The following LY6H variants were observed in gnomAD, a reference collection of about 807,000 sequenced individuals.
LY6H encodes lymphocyte antigen 6H.
A neutral mutation model predicts 14.6 loss-of-function variants in LY6H; 8 were observed. The ratio of observed to expected loss-of-function variants is 0.55; its 90% CI spans 0.32 to 0.99. The LOEUF (loss-of-function observed/expected upper bound fraction) is 0.99, where lower values mean the gene tolerates loss of function less well. Among genes scored for constraint, LY6H ranks in the 50% least tolerant of loss-of-function variants. The pLI is 0.04. For synonymous variants in LY6H, 115 were observed against 97.2 expected (o/e 1.18, Z -1.08); for missense variants, 196 against 219.6 (o/e 0.89, Z 0.68).
In LY6H at chr8:143,160,289, CA is replaced by C. The variant is rs1815568958; in HGVS notation, c.-91del. 1 of 1,117,406 alleles carries C rather than the reference CA, an allele frequency of 8.9e-7. No homozygotes were observed. The highest frequency in any genetic ancestry group is 3.8e-5 in the Admixed American group (1 of 26,596). 69.2% of individuals were successfully genotyped at this position (1,117,406 alleles called of 1,614,324 possible). On this transcript the variant is annotated 5_prime_UTR_variant, in exon 1 of 4. Coordinates refer to ENST00000342752, the MANE Select transcript of LY6H (RefSeq NM_001135655.2). ...CTCCCTGCGGACCGGAATCCGGGCG[CA>C]GCCTCGTCTTTCGGGGAACGCAGCC...
At chr8:143,159,197 A>C in intron 2 of LY6H, 1 of 573,846 alleles carries the variant, frequency 1.7e-6, no homozygotes, top group Non-Finnish European at 3.1e-6. Flanking sequence ...GGCTATACAG[A>C]CCCCACACCG....
Position 143,159,668 on chromosome 8 carries a change from G to C in LY6H, c.44C>G (p.Ala15Gly). Residue 15 changes from alanine (A) to glycine (G), a missense_variant, in exon 2 of 4, where the codon GCC (alanine) becomes GGC (glycine). By Grantham distance (60) the Ala-to-Gly change is moderately conservative. Coordinates refer to ENST00000342752, the MANE Select transcript of LY6H (RefSeq NM_001135655.2). ...CAGCATGCTCCGGGTGGGCCTGGGG[G>C]CGGCGCGGGGGCTTGGGGCGCGGGT... is the stretch of plus-strand genomic sequence containing the variant. ...QRTRAPSPRAAPRPTRSMLPA... is the reference protein window; with the variant it reads ...QRTRAPSPRAGPRPTRSMLPA... 1 of 1,404,756 alleles carries C rather than the reference G, an allele frequency of 7.1e-7. No homozygotes were observed. The highest frequency in any genetic ancestry group is 9.2e-7 in the Non-Finnish European group (1 of 1,090,768). 87.0% of individuals were successfully genotyped at this position (1,404,756 alleles called of 1,614,324 possible). A position where few individuals can be genotyped will look rare whatever the true frequency, so the allele number is the denominator to read the frequency against.
chr8:143,160,052 C>G (rs1451653280), intron 1 of LY6H, 146 bp downstream of exon 1: 1 of 939,416 alleles, frequency 1.1e-6, no homozygotes, highest in Non-Finnish European at 1.4e-6. Context: ...GGGGGAGGGG[C>G]GCGTGCCAGG....
At position 143,158,485 on chromosome 8, in the gene LY6H, C is replaced by A; in HGVS notation, c.251G>T (p.Ser84Ile). Residue 84 changes from serine (S) to isoleucine (I), a missense_variant and splice_region_variant, in exon 4 of 4, where the codon AGC becomes ATC. Physicochemically the swap from Ser to Ile is moderately radical, Grantham distance 142. Coordinates refer to ENST00000342752, the MANE Select transcript of LY6H (RefSeq NM_001135655.2). ...ASVRITDPSSSRKDHSVNKMC... is the reference protein window; with the variant it reads ...ASVRITDPSSIRKDHSVNKMC... ...CTTGTTCACCGAGTGATCCTTCCTG[C>A]CTGGGAAGAGAAAGCGTGGCCTGGG... 1 of 1,609,306 alleles carries A rather than the reference C, an allele frequency of 6.2e-7. No individual in the cohort carries two copies. Among genetic ancestry groups the A allele is most frequent in the Non-Finnish European group, 8.5e-7 (1 of 1,175,820 alleles).
chr8:143,159,224 A>G, intron 2 of LY6H: 1 of 535,376 alleles, frequency 1.9e-6, no homozygotes, highest in South Asian at 2.5e-5. Flanking sequence ...CCCCCCTCAC[A>G]CTCCCGCCCC....
chr8:143,160,298 C>T lies in LY6H; in HGVS notation c.-99G>A, dbSNP rs1455177570. 3.8e-6 allele frequency: 4 copies of T among 1,052,256 alleles called. No individual in the cohort carries two copies. The highest frequency in any genetic ancestry group is 3.6e-6 in the Non-Finnish European group (3 of 822,640). 65.2% of individuals were successfully genotyped at this position (1,052,256 alleles called of 1,614,324 possible). A position where few individuals can be genotyped will look rare whatever the true frequency, so the allele number is the denominator to read the frequency against. On this transcript the variant is annotated 5_prime_UTR_variant, in exon 1 of 4. Coordinates refer to ENST00000342752, the MANE Select transcript of LY6H (RefSeq NM_001135655.2). ...GACCGGAATCCGGGCGCAGCCTCGT[C>T]TTTCGGGGAACGCAGCCGCAGACGC...
Position 143,160,204 on chromosome 8 carries a change from G to C in LY6H, c.-5C>G, listed in dbSNP as rs1289023202. 1 of 1,285,692 alleles carries C rather than the reference G, an allele frequency of 7.8e-7. No individual in the cohort carries two copies. The allele number at this position is 1,285,692 out of a possible 1,614,324, so 79.6% of individuals were successfully genotyped here. A position where few individuals can be genotyped will look rare whatever the true frequency, so the allele number is the denominator to read the frequency against. ...GGTCGGGGGGCTCACTCACATCCCG[G>C]GGGTGTCCGCACTCCGGGCTCGGGC... On this transcript the variant is annotated 5_prime_UTR_variant, in exon 1 of 4. Transcript: ENST00000342752.
Position 143,160,296 on chromosome 8 carries a change from G to GT in LY6H, c.-98dup, listed in dbSNP as rs1322213237. On this transcript the variant is annotated 5_prime_UTR_variant, in exon 1 of 4. Coordinates refer to ENST00000342752, the MANE Select transcript of LY6H (RefSeq NM_001135655.2). The stretch of plus-strand genomic sequence containing the variant: ...CGGACCGGAATCCGGGCGCAGCCTC[G>GT]TCTTTCGGGGAACGCAGCCGCAGAC... 2.9e-6 allele frequency: 3 copies of GT among 1,050,508 alleles called. No homozygotes were observed. Among genetic ancestry groups the GT allele is most frequent in the Non-Finnish European group, 3.7e-6 (3 of 820,554 alleles). The allele number at this position is 1,050,508 out of a possible 1,614,324, so 65.1% of individuals were successfully genotyped here.
At position 143,159,603 on chromosome 8, in the gene LY6H, C is replaced by T. The variant is rs1815543847; in HGVS notation, c.109G>A (p.Val37Ile). 2 of 1,498,018 alleles carry T rather than the reference C, an allele frequency of 1.3e-6. No individual in the cohort carries two copies. The highest frequency in any genetic ancestry group is 1.2e-5 in the South Asian group (1 of 80,906). 92.8% of individuals were successfully genotyped at this position (1,498,018 alleles called of 1,614,324 possible). A position where few individuals can be genotyped will look rare whatever the true frequency, so the allele number is the denominator to read the frequency against. ...MKGLGLALLAVLLCSAPAHGL... is the reference protein window; with the variant it reads ...MKGLGLALLAILLCSAPAHGL... ...TCACCGGGCGCCGAGCACAGCAGGA[C>T]GGCCAGCAGCGCCAGGCCGAGGCCC... The change falls in exon 2 of 4, where the codon GTC (valine) becomes ATC (isoleucine). Residue 37 changes from valine (V) to isoleucine (I), a missense_variant. Val to Ile is a conservative substitution (Grantham distance 29). Coordinates refer to ENST00000342752, the MANE Select transcript of LY6H (RefSeq NM_001135655.2).
At chr8:143,160,345 G>C, upstream of LY6H, 3 of 557,624 alleles carry the variant, frequency 5.4e-6, no homozygotes, top group Non-Finnish European at 2.6e-6. Context: ...GAGGGGCGGG[G>C]CGGAGCCGGG....
In LY6H at chr8:143,158,588, A is replaced by G. The variant is rs371611945; in HGVS notation, c.251-103T>C. 14 of 1,224,008 alleles carry G rather than the reference A, an allele frequency of 1.1e-5. No homozygotes were observed. In the African/African-American group the frequency reaches 2.1e-4, roughly 18 times the overall value. The allele number at this position is 1,224,008 out of a possible 1,614,324, so 75.8% of individuals were successfully genotyped here. A position where few individuals can be genotyped will look rare whatever the true frequency, so the allele number is the denominator to read the frequency against. ...CCCCTCCGGGTCAGCTCGGGGCCCC[A>G]GTAGGCAGGGCCGAGTCCCTCCACC... On this transcript the variant is annotated intron_variant, in intron 3 of 3. Transcript: ENST00000342752.
In LY6H at chr8:143,159,620, C is replaced by G. The variant is rs775897400; in HGVS notation, c.92G>C (p.Gly31Ala). Reference sequence around the variant, plus strand: ...CAGCAGGACGGCCAGCAGCGCCAGGCCGAGGCCCTTCATGGCTGCAGGCAG... The same window carrying G: ...CAGCAGGACGGCCAGCAGCGCCAGGGCGAGGCCCTTCATGGCTGCAGGCAG... The part of the protein sequence containing the change: ...SMLPAAMKGL[G>A]LALLAVLLCS... Residue 31 changes from glycine (G) to alanine (A), a missense_variant, in exon 2 of 4, where the codon GGC becomes GCC. Gly to Ala is a moderately conservative substitution (Grantham distance 60). Coordinates refer to ENST00000342752, the MANE Select transcript of LY6H (RefSeq NM_001135655.2). The G allele has an allele frequency of 1.4e-5, 21 of 1,487,658 alleles. 1 individual carries two copies. In the South Asian group the frequency reaches 2.6e-4, roughly 19 times the overall value. 92.2% of individuals were successfully genotyped at this position (1,487,658 alleles called of 1,614,324 possible). A position where few individuals can be genotyped will look rare whatever the true frequency, so the allele number is the denominator to read the frequency against.
chr8:143,159,133 C>A (rs1174573172), intron 2 of LY6H: 4 of 646,222 alleles, frequency 6.2e-6, no homozygotes, highest in Non-Finnish European at 1.1e-5. Flanking sequence ...CCCCTATGGC[C>A]CCTCCCTGGC....
At position 143,158,671 on chromosome 8, in the gene LY6H, C is replaced by T. The variant is rs964711985; in HGVS notation, c.250+132G>A. On this transcript the variant is annotated intron_variant, in intron 3 of 3. Coordinates refer to ENST00000342752, the MANE Select transcript of LY6H (RefSeq NM_001135655.2). ...CCACCAAGGAGCCAGGGGGGGACAG[C>T]AGGACAGTATCCTGCCTGCCGCCCC... The T allele has an allele frequency of 1.5e-5, 20 of 1,304,968 alleles. No homozygotes were observed. In the Admixed American group the frequency reaches 3.0e-4, roughly 20 times the overall value. The allele number at this position is 1,304,968 out of a possible 1,614,324, so 80.8% of individuals were successfully genotyped here. A position where few individuals can be genotyped will look rare whatever the true frequency, so the allele number is the denominator to read the frequency against.
At position 143,158,815 on chromosome 8, in the gene LY6H, C is replaced by G; in HGVS notation, c.238G>C (p.Asp80His). The G allele has an allele frequency of 6.3e-7, 1 of 1,591,008 alleles. No homozygotes were observed. Residue 80 changes from aspartate to histidine, a missense_variant, in exon 3 of 4, where the codon GAT (aspartate) becomes CAT (histidine). Transcript: ENST00000342752. ...DTVCASVRIT[D>H]PSSSRKDHSV... ...AGTCCCAACTTACTGCTGCTGGGAT[C>G]GGTGATTCGGACACTGGCACACACC...
At chr8:143,159,772 G>A in intron 1 of LY6H, 63 bp from the exon 2 acceptor site, 1 of 1,307,480 alleles carries the variant, frequency 7.6e-7, no homozygotes, top group Non-Finnish European at 9.7e-7. Context: ...GCCTCAGGAT[G>A]CAACCTTCTC....
intron 1 of LY6H, 162 bp downstream of exon 1, chr8:143,160,036 C>A (rs992399369): frequency 1.4e-4 from 152 of 1,077,442 alleles, no homozygotes; most frequent in Non-Finnish European, 1.7e-4. Flanking sequence ...GTGGGACCTG[C>A]CACTGGGGGG....
chr8:143,159,451 C>G, intron 2 of LY6H, 131 bp downstream of exon 2: 1 of 1,116,664 alleles, frequency 9.0e-7, no homozygotes, highest in Non-Finnish European at 1.2e-6. Flanking sequence ...TCGCAGGGGT[C>G]CCGGAGGGGG....
intron 3 of LY6H, 136 bp from the exon 4 acceptor site, chr8:143,158,621 G>A (rs867608694): frequency 1.0e-5 from 12 of 1,145,926 alleles, no homozygotes; most frequent in Middle Eastern, 2.2e-4. Flanking sequence ...ACCCTCCCAC[G>A]CTGGCCTCAA....
Sources: gnomAD v4.1 joint callset for allele counts on GRCh38, gnomAD v4.1.1 for gene constraint, MANE v1.5 for transcripts, NCBI Gene and HGNC (gene_info 2026-07-23, HGNC 2026-07-21) for gene names.